Variants in KCNQ4 observed in about 807,000 individuals in gnomAD.
KCNQ4 encodes potassium voltage-gated channel subfamily Q member 4.
A neutral mutation model predicts 72.6 loss-of-function variants in KCNQ4; 31 were observed. The observed-to-expected ratio is 0.43, with a 90% CI of 0.32 to 0.58. KCNQ4 has a LOEUF of 0.58. KCNQ4 is among the 20% of genes least tolerant of loss of function. The probability of loss-of-function intolerance (pLI) is 0.08; values close to 1 mark genes in which losing one functional copy is unlikely to be tolerated. For synonymous variants in KCNQ4, 405 were observed against 403.7 expected (o/e 1.00, Z -0.04); for missense variants, 869 against 962.6 (o/e 0.90, Z 1.29).
intron 1 of KCNQ4, among the ~76,000 whole-genome samples, chr1:40,789,181 G>A (rs1276141733): frequency 3.3e-5 from 5 of 152,144 alleles, no homozygotes; most frequent in Admixed American, 1.3e-4. Context: ...GTAGAACTTC[G>A]CTGGCGTTTG....
In KCNQ4 at chr1:40,783,963, C is replaced by G. The variant is rs1237089929; in HGVS notation, c.-131C>G. ...CCCGCGGCCCCGGCCCGGCCCCTAG[C>G]CCCCGCCGCCCGCGCCCGCCCCGGG... On this transcript the variant is annotated 5_prime_UTR_variant, in exon 1 of 14. Transcript: ENST00000347132. This position sits in a 1 kb window ranked among gnomAD's most constrained non-coding sequence, Gnocchi z 4.4. The G allele has an allele frequency of 2.0e-5, 3 of 147,694 alleles. No homozygotes were observed. Among genetic ancestry groups the G allele is most frequent in the Admixed American group, 6.8e-5 (1 of 14,800 alleles). The allele number at this position is 147,694 out of a possible 1,614,324, so 9.1% of individuals were successfully genotyped here.
At chr1:40,811,893 A>G (rs1217610155) in intron 1 of KCNQ4, among the ~76,000 whole-genome samples, 2 of 152,240 alleles carry the variant, frequency 1.3e-5, no homozygotes, top group Non-Finnish European at 2.9e-5. Flanking sequence ...TGTTTCATCT[A>G]TATTTGTATA....
rs1318332249 is a variant in KCNQ4, at chr1:40,784,919, A to T, written c.314+512A>T. Among the ~76,000 whole-genome samples, 1 of 152,148 alleles carries T rather than the reference A, an allele frequency of 6.6e-6. No homozygotes were observed. Among genetic ancestry groups the T allele is most frequent in the Non-Finnish European group, 1.5e-5 (1 of 68,014 alleles). ...CCTCATTCCTACCCCTGCCCAGCTG[A>T]CTGTGGGTGTGTGGGGGTCCCTGTG... On this transcript the variant is annotated intron_variant, in intron 1 of 13. Transcript: ENST00000347132. The surrounding 1 kb of genome is among the most constrained non-coding windows in gnomAD (Gnocchi z 4.1).
intron 12 of KCNQ4, 77 bp from the exon 13 acceptor site, chr1:40,837,588 C>A: frequency 6.5e-7 from 1 of 1,543,286 alleles, no homozygotes; most frequent in Admixed American, 1.9e-5. Context: ...CCTTCTCCTT[C>A]ATCAGGCAAC....
At chr1:40,833,410 A>G (rs533479832) in intron 11 of KCNQ4, among the ~76,000 whole-genome samples, 1 of 148,892 alleles carries the variant, frequency 6.7e-6, no homozygotes, top group South Asian at 2.1e-4. Flanking sequence ...AACTGTATAA[A>G]AAAAAAAAAT....
chr1:40,797,536 T>C (rs1316929443), intron 1 of KCNQ4, among the ~76,000 whole-genome samples: 4 of 152,090 alleles, frequency 2.6e-5, no homozygotes, highest in African/African-American at 9.7e-5. Context: ...AGCTGCAGCT[T>C]CCTGAGAGGG....
intron 8 of KCNQ4, among the ~76,000 whole-genome samples, chr1:40,823,833 C>T (rs996367546): frequency 6.6e-6 from 1 of 152,242 alleles, no homozygotes; most frequent in Non-Finnish European, 1.5e-5. Flanking sequence ...GCTTGATGGG[C>T]TGAGAGTAAG....
rs906164330 is a variant in KCNQ4 at position 40,819,956 on chromosome 1, C to T, written c.916C>T (p.Leu306=). 10 of 1,614,086 alleles carry T rather than the reference C, an allele frequency of 6.2e-6. No homozygotes were observed. Among genetic ancestry groups the T allele is most frequent in the African/African-American group, 4.0e-5 (3 of 74,954 alleles). ...GRVLAAGFAL[L]GISFFALPAG... Reference sequence around the variant, plus strand: ...GGTCCTGGCTGCTGGCTTCGCCTTACTGGGCATCTCTTTCTTTGCCCTGCC... The same window carrying T: ...GGTCCTGGCTGCTGGCTTCGCCTTATTGGGCATCTCTTTCTTTGCCCTGCC... Residue 306 remains leucine (L), a synonymous_variant, in exon 6 of 14, where the codon CTG becomes TTG. Coordinates refer to ENST00000347132, the MANE Select transcript of KCNQ4 (RefSeq NM_004700.4).
chr1:40,832,082 G>GATTT (rs1417976090), intron 10 of KCNQ4, among the ~76,000 whole-genome samples: 3 of 152,252 alleles, frequency 2.0e-5, no homozygotes, highest in Admixed American at 6.5e-5. Flanking sequence ...CTTCCACTGT[G>GATTT]ATTTAGGCAG....
At chr1:40,810,987 T>A (rs2148312034) in intron 1 of KCNQ4, among the ~76,000 whole-genome samples, 1 of 152,324 alleles carries the variant, frequency 6.6e-6, no homozygotes, top group South Asian at 2.1e-4. Flanking sequence ...TACAGTAAAA[T>A]TCCTCCTTTT....
chr1:40,810,039 G>A (rs966731447), intron 1 of KCNQ4, among the ~76,000 whole-genome samples: 1 of 138,838 alleles, frequency 7.2e-6, no homozygotes, highest in Non-Finnish European at 1.5e-5. Context: ...CAGCCTGGGC[G>A]ACAGAGTGAG....
At position 40,783,898 on chromosome 1, in the gene KCNQ4, T is replaced by G. The variant is rs1321976271; in HGVS notation, c.-196T>G. 1.3e-5 allele frequency: 2 copies of G among 148,918 alleles called. No individual in the cohort carries two copies. Among genetic ancestry groups the G allele is most frequent in the African/African-American group, 5.0e-5 (2 of 40,250 alleles). The allele number at this position is 148,918 out of a possible 1,614,324, so 9.2% of individuals were successfully genotyped here. A position where few individuals can be genotyped will look rare whatever the true frequency, so the allele number is the denominator to read the frequency against. ...CCCCAGTCGCCGGGGAAGCGGGAGG[T>G]CAGTGCGGGCTCCGGCGGCCCCCAG... On this transcript the variant is annotated 5_prime_UTR_variant, in exon 1 of 14. Coordinates refer to ENST00000347132, the MANE Select transcript of KCNQ4 (RefSeq NM_004700.4). The surrounding 1 kb of genome is among the most constrained non-coding windows in gnomAD (Gnocchi z 4.4).
intron 1 of KCNQ4, among the ~76,000 whole-genome samples, chr1:40,813,760 G>T (rs12048884): frequency 0.41 from 61,617 of 151,006 alleles, 12,722 homozygotes; most frequent in Middle Eastern, 0.43. Flanking sequence ...TTTTGTTTTT[G>T]TTTTTGAGAC....
chr1:40,799,048 C>T (rs1247084087), intron 1 of KCNQ4, among the ~76,000 whole-genome samples: 1 of 152,242 alleles, frequency 6.6e-6, no homozygotes, highest in African/African-American at 2.4e-5. Flanking sequence ...GGGCTGCAGC[C>T]CTCCCTCTGT....
intron 1 of KCNQ4, among the ~76,000 whole-genome samples, chr1:40,808,447 C>T (rs2148309840): frequency 6.6e-6 from 1 of 152,308 alleles, no homozygotes; most frequent in South Asian, 2.1e-4. Context: ...CCTGTGCTCC[C>T]ATGGGACCCC....
At position 40,833,144 on chromosome 1, in the gene KCNQ4, C is replaced by A. The variant is rs756579933; in HGVS notation, c.1613+31C>A. ...ACTGAGGCCTGAGGCGAGCACCCCC[C>A]TCCGTGTGCCACCCACTGCTGCTCC... is the stretch of plus-strand genomic sequence containing the variant. On this transcript the variant is annotated intron_variant, in intron 11 of 13. Coordinates refer to ENST00000347132, the MANE Select transcript of KCNQ4 (RefSeq NM_004700.4). 3 of 1,516,948 alleles carry A rather than the reference C, an allele frequency of 2.0e-6. No individual in the cohort carries two copies. The Admixed American group carries it at 5.0e-5, about 25-fold the overall frequency. 94.0% of individuals were successfully genotyped at this position (1,516,948 alleles called of 1,614,324 possible).
intron 1 of KCNQ4, among the ~76,000 whole-genome samples, chr1:40,810,456 T>C (rs1382118383): frequency 6.6e-6 from 1 of 152,230 alleles, no homozygotes; most frequent in Non-Finnish European, 1.5e-5. Context: ...GGATTATTCA[T>C]TTCTGGTTTT....
In KCNQ4 at chr1:40,831,286, C is replaced by T; in HGVS notation, c.1495C>T (p.Pro499Ser). 1 of 1,601,898 alleles carries T rather than the reference C, an allele frequency of 6.2e-7. No homozygotes were observed. ...CTTCCGGGCATCTCTGAGACTCAAA[C>T]CCCGCACCTCTGCTGAGGGTAAGCC... Reference protein sequence around the residue: ...TRFRASLRLKPRTSAEDAPSE... With the variant: ...TRFRASLRLKSRTSAEDAPSE... Residue 499 changes from proline to serine, a missense_variant, in exon 10 of 14, where the codon CCC becomes TCC. This residue lies in a region of KCNQ4 where 480 missense variants were observed against 501.9 expected (regional missense o/e 0.96). Coordinates refer to ENST00000347132, the MANE Select transcript of KCNQ4 (RefSeq NM_004700.4).
chr1:40,838,483 C>T lies in KCNQ4; in HGVS notation c.2048C>T (p.Thr683Met). Reference protein sequence around the residue: ...DHEDISVSAQTLSISRSVSTN... With the variant: ...DHEDISVSAQMLSISRSVSTN... ...GAGGACATCTCCGTCTCCGCACAGA[C>T]GCTCAGCATCTCCCGCTCGGTCAGC... is the stretch of plus-strand genomic sequence containing the variant. The change falls in exon 14 of 14, where the codon ACG becomes ATG. Residue 683 changes from threonine to methionine, a missense_variant. Thr to Met is a moderately conservative substitution (Grantham distance 81, BLOSUM62 -1). Transcript: ENST00000347132. 6.2e-7 allele frequency: 1 copy of T among 1,614,156 alleles called. No homozygotes were observed. Among genetic ancestry groups the T allele is most frequent in the African/African-American group, 1.3e-5 (1 of 75,066 alleles).
Sources: gnomAD v4.1 joint callset for allele counts (sites outside exome capture counted in the v4.1 genomes callset) on GRCh38, gnomAD v4.1.1 for gene constraint, gnomAD v4.1.1 regional missense constraint, Gnocchi (gnomAD v3.1) non-coding constraint, MANE v1.5 for transcripts, NCBI Gene and HGNC (gene_info 2026-07-23, HGNC 2026-07-21) for gene names.